ABCG5: variants seen among roughly 807,000 people sequenced by gnomAD.
The protein encoded by ABCG5 is ATP-binding cassette sub-family G member 5.
In ABCG5, 64 loss-of-function variants were observed where a neutral mutation model predicts 64.5. That is an observed-to-expected ratio of 0.99 (90% CI 0.81 to 1.22). The LOEUF is 1.22. ABCG5 is among the 50% of genes most tolerant of loss of function. The pLI is 0.00. For synonymous variants in ABCG5, 385 were observed against 326.3 expected (o/e 1.18, Z -1.94); for missense variants, 908 against 829.5 (o/e 1.09, Z -1.16).
At chr2:43,810,245 G>A (rs1325477810), downstream of ABCG5, 1 of 571,562 alleles carries the variant, frequency 1.7e-6, no homozygotes, top group African/African-American at 2.1e-5. Flanking sequence ...CCTGAAATAG[G>A]AGATGCACAT....
chr2:43,826,666 C>G, intron 5 of ABCG5, 145 bp from the exon 6 acceptor site: 2 of 1,294,354 alleles, frequency 1.5e-6, no homozygotes, highest in Non-Finnish European at 2.2e-6. Context: ...AACTGGCTTT[C>G]AGCCTGAGCT....
At chr2:43,837,700 A>G (rs1668366736) in intron 2 of ABCG5, 134 bp downstream of exon 2, 2 of 1,233,304 alleles carry the variant, frequency 1.6e-6, no homozygotes, top group Non-Finnish European at 1.2e-6. Flanking sequence ...TAGCAGTTCC[A>G]TTCACAGTCA....
At chr2:43,814,453 A>G (rs766945901) in intron 12 of ABCG5, 24 bp downstream of exon 12, 1 of 1,480,450 alleles carries the variant, frequency 6.8e-7, no homozygotes, top group African/African-American at 1.4e-5. Context: ...ATGCAAAAAT[A>G]ATATCCCCAA....
chr2:43,822,470 T>TG, intron 10 of ABCG5: 49 of 354,504 alleles, frequency 1.4e-4, no homozygotes, highest in South Asian at 2.8e-4. Context: ...CTTTCTCCCC[T>TG]CCCCCAGGCC....
chr2:43,818,542 C>G (rs546407820), intron 11 of ABCG5, among the ~76,000 whole-genome samples: 5 of 152,242 alleles, frequency 3.3e-5, no homozygotes, highest in African/African-American at 1.2e-4. Context: ...GAAATGGCAC[C>G]AGATTAACTG....
In ABCG5 at chr2:43,837,816, C is replaced by G. The variant is rs1226719847; in HGVS notation, c.265+18G>C. The stretch of plus-strand genomic sequence containing the variant: ...ACTCAAGCCAAATCCTTTTTAGAAT[C>G]CTCCTTCCCAAGCTTACCTGAGCTT... On this transcript the variant is annotated intron_variant, in intron 2 of 12. Transcript: ENST00000405322. 2 of 1,613,572 alleles carry G rather than the reference C, an allele frequency of 1.2e-6. No homozygotes were observed. The highest frequency in any genetic ancestry group is 1.7e-6 in the Non-Finnish European group (2 of 1,179,782).
chr2:43,826,271 A>T (rs1055260347), intron 6 of ABCG5, 111 bp downstream of exon 6: 165 of 1,532,956 alleles, frequency 1.1e-4, no homozygotes, highest in Non-Finnish European at 1.4e-4. Flanking sequence ...AAGTGCTGGA[A>T]TTACAAGTGT....
At chr2:43,839,161 G>A (rs1668468523), upstream of ABCG5, 4 of 1,545,426 alleles carry the variant, frequency 2.6e-6, no homozygotes, top group South Asian at 3.6e-5. Context: ...TGGGCGGGTA[G>A]GAGAAATCAA....
chr2:43,821,875 TC>T (rs1667229655), intron 10 of ABCG5, among the ~76,000 whole-genome samples: 1 of 151,906 alleles, frequency 6.6e-6, no homozygotes, highest in Non-Finnish European at 1.5e-5. Flanking sequence ...TCTCTCTCTC[TC>T]CCCCTCTCTT....
chr2:43,830,590 T>G (rs1667897885), intron 4 of ABCG5, among the ~76,000 whole-genome samples: 1 of 152,240 alleles, frequency 6.6e-6, no homozygotes, highest in African/African-American at 2.4e-5. Context: ...CATCAGCACT[T>G]CCTTCCCACT....
In ABCG5 at chr2:43,828,093, A is replaced by T. The variant is rs571643843; in HGVS notation, c.524T>A (p.Leu175Gln). 2 of 1,614,056 alleles carry T rather than the reference A, an allele frequency of 1.2e-6. No homozygotes were observed. The highest frequency in any genetic ancestry group is 1.1e-5 in the South Asian group (1 of 91,066). ...QKKVEAVMAE[L>Q]SLSHVADRLI... ...TCGGTCTGCCACATGGCTCAGACTC[A>T]GCTCTGCCATGACGGCCTCCACCTG... Residue 175 changes from leucine to glutamine, a missense_variant, in exon 5 of 13, where the codon CTG (leucine) becomes CAG (glutamine). Physicochemically the swap from Leu to Gln is moderately radical, Grantham distance 113. Coordinates refer to ENST00000405322, the MANE Select transcript of ABCG5 (RefSeq NM_022436.3).
chr2:43,814,644 C>A (rs1002328901), intron 11 of ABCG5, 55 bp from the exon 12 acceptor site: 1 of 1,035,392 alleles, frequency 9.7e-7, no homozygotes, highest in Non-Finnish European at 1.5e-6. Context: ...ATAGTCCTAC[C>A]AAATGAAAAG....
chr2:43,817,926 C>A (rs999049234), intron 11 of ABCG5, among the ~76,000 whole-genome samples: 6 of 151,550 alleles, frequency 4.0e-5, no homozygotes, highest in Admixed American at 6.6e-5. Context: ...AACAAACAAA[C>A]AAAAAAACAC....
At chr2:43,815,675 C>T (rs993794518) in intron 11 of ABCG5, among the ~76,000 whole-genome samples, 5 of 151,924 alleles carry the variant, frequency 3.3e-5, no homozygotes, top group Non-Finnish European at 4.4e-5. Context: ...ACAGGTATGC[C>T]AAGGGCTGCA....
chr2:43,814,064 C>A (rs1301011097), intron 12 of ABCG5, among the ~76,000 whole-genome samples: 1 of 152,108 alleles, frequency 6.6e-6, no homozygotes, highest in Non-Finnish European at 1.5e-5. Context: ...GTTCTACTTC[C>A]ATCTGGTGGG....
At chr2:43,829,223 A>G (rs1241742532) in intron 4 of ABCG5, among the ~76,000 whole-genome samples, 1 of 152,156 alleles carries the variant, frequency 6.6e-6, no homozygotes, top group Non-Finnish European at 1.5e-5. Flanking sequence ...CAAAAATCCA[A>G]CCTGATTTGA....
rs975612815 is a variant in ABCG5, at chr2:43,824,939, T to C, written c.854A>G (p.Asn285Ser). ...TTCAGGACAAGGGTAACCGCAGTCA[T>C]TGAAGAAATCAAGCATTTCCGCTGG... Reference protein sequence around the residue: ...GTPAEMLDFFNDCGYPCPEHS... With the variant: ...GTPAEMLDFFSDCGYPCPEHS... Residue 285 changes from asparagine (N) to serine (S), a missense_variant, in exon 7 of 13, where the codon AAT (asparagine) becomes AGT (serine). Physicochemically the swap from Asn to Ser is conservative, Grantham distance 46. Coordinates refer to ENST00000405322, the MANE Select transcript of ABCG5 (RefSeq NM_022436.3). 1.9e-5 allele frequency: 30 copies of C among 1,613,972 alleles called. No homozygotes were observed. In the Middle Eastern group the frequency reaches 6.6e-4, roughly 35 times the overall value.
intron 2 of ABCG5, among the ~76,000 whole-genome samples, chr2:43,835,728 C>T (rs1299014533): frequency 2.0e-5 from 3 of 152,092 alleles, no homozygotes; most frequent in Non-Finnish European, 4.4e-5. Context: ...CCTCAGAGAC[C>T]CCTCCCCACT....
chr2:43,833,707 T>G (rs1412102320), intron 2 of ABCG5, among the ~76,000 whole-genome samples: 1 of 139,942 alleles, frequency 7.1e-6, no homozygotes, highest in African/African-American at 2.7e-5. Flanking sequence ...TTTATTGAGA[T>G]GGAGTCTCAC....
Sources: gnomAD v4.1 joint callset for allele counts (sites outside exome capture counted in the v4.1 genomes callset) on GRCh38, gnomAD v4.1.1 for gene constraint, MANE v1.5 for transcripts, NCBI Gene and HGNC (gene_info 2026-07-23, HGNC 2026-07-21) for gene names.